Variants in RELN observed in about 807,000 individuals in gnomAD.
RELN encodes the protein reelin.
Under a neutral mutation model 427.6 loss-of-function variants are expected in RELN, and 108 were observed. The ratio of observed to expected loss-of-function variants is 0.25; its 90% CI spans 0.22 to 0.30. The LOEUF (loss-of-function observed/expected upper bound fraction) is 0.30, where lower values mean the gene tolerates loss of function less well. Ranked by LOEUF, RELN falls within the 10% of genes least tolerant of loss-of-function variation. The pLI, the probability that RELN is intolerant of heterozygous loss-of-function variation, is 1.00. For missense variants in RELN, 3,715 were observed against 4,302.8 expected (o/e 0.86, Z 3.82); for synonymous variants, 1,524 against 1,513.4 (o/e 1.01, Z -0.16).
At chr7:103,611,068 G>A (rs1831942630) in intron 21 of RELN, among the ~76,000 whole-genome samples, 1 of 152,144 alleles carries the variant, frequency 6.6e-6, no homozygotes, top group African/African-American at 2.4e-5. Flanking sequence ...CATACAAACA[G>A]AGACGGATTA....
chr7:103,499,761 G>A (rs1157548694), intron 53 of RELN, among the ~76,000 whole-genome samples: 1 of 152,130 alleles, frequency 6.6e-6, no homozygotes, highest in East Asian at 1.9e-4. Context: ...TTCATTAGAA[G>A]ATTTTAATCA....
intron 4 of RELN, among the ~76,000 whole-genome samples, chr7:103,767,873 T>A (rs927281468): frequency 2.0e-5 from 3 of 152,144 alleles, no homozygotes; most frequent in Non-Finnish European, 4.4e-5. Context: ...GCCACCCTAT[T>A]TAAAATTGCA....
At chr7:103,764,250 A>C (rs1791373316) in intron 4 of RELN, among the ~76,000 whole-genome samples, 1 of 152,158 alleles carries the variant, frequency 6.6e-6, no homozygotes, top group African/African-American at 2.4e-5. Context: ...TCACAACCTT[A>C]TGATGTTCCT....
chr7:103,545,836 A>G (rs778025764), intron 41 of RELN, among the ~76,000 whole-genome samples: 1 of 152,194 alleles, frequency 6.6e-6, no homozygotes, highest in East Asian at 1.9e-4. Flanking sequence ...GGGTTTCACC[A>G]TCTTGGCCAG....
intron 12 of RELN, among the ~76,000 whole-genome samples, chr7:103,657,515 G>GAACTATCA (rs1186820346): frequency 6.6e-6 from 1 of 152,052 alleles, no homozygotes; most frequent in Non-Finnish European, 1.5e-5. Flanking sequence ...CGCAGGCACT[G>GAACTATCA]AACTATCAGT....
intron 22 of RELN, among the ~76,000 whole-genome samples, chr7:103,607,344 GA>G (rs756481518): frequency 6.6e-6 from 1 of 152,076 alleles, no homozygotes; most frequent in African/African-American, 2.4e-5. Flanking sequence ...GTTTTATTGA[GA>G]AAAAAAATTA....
intron 2 of RELN, among the ~76,000 whole-genome samples, chr7:103,885,330 C>T (rs1309654632): frequency 7.4e-6 from 1 of 135,522 alleles, no homozygotes; most frequent in Non-Finnish European, 1.6e-5. Context: ...CAGAGCAAGA[C>T]TCCATCTCAA....
intron 14 of RELN, 77 bp from the exon 15 acceptor site, chr7:103,651,866 G>T (rs1584378033): frequency 6.9e-7 from 1 of 1,449,062 alleles, no homozygotes; most frequent in East Asian, 2.3e-5. Context: ...TTCAACTCTG[G>T]TTAAGTACAT....
At chr7:103,532,248 A>G (rs577215860) in intron 46 of RELN, among the ~76,000 whole-genome samples, 138 of 152,322 alleles carry the variant, frequency 9.1e-4, no homozygotes, top group Non-Finnish European at 1.5e-3. Flanking sequence ...CAATGAGAAC[A>G]CATGGACACA....
chr7:103,765,846 A>G (rs1410711921), intron 4 of RELN, among the ~76,000 whole-genome samples: 1 of 152,204 alleles, frequency 6.6e-6, no homozygotes, highest in Admixed American at 6.5e-5. Context: ...TCAAGTGGGA[A>G]TGTATATAGC....
rs28804733 is a variant in RELN at position 103,900,007 on chromosome 7, A to T, written c.337+17068T>A. On this transcript the variant is annotated intron_variant, in intron 2 of 64. Transcript: ENST00000428762. ...CAATTAGGAAAAGAGGAAGTCAAAT[A>T]GTCCCTGTTTGCAGTTGACATGATT... Among the ~76,000 whole-genome samples the T allele has an allele frequency of 6.0e-3, 914 of 152,134 alleles. 9 individuals carry two copies. The highest frequency in any genetic ancestry group is 0.021 in the African/African-American group (879 of 41,530).
At chr7:103,753,657 T>C (rs1165378367) in intron 4 of RELN, among the ~76,000 whole-genome samples, 1 of 152,214 alleles carries the variant, frequency 6.6e-6, no homozygotes, top group African/African-American at 2.4e-5. Flanking sequence ...GGAAAATTTA[T>C]GTTGAAATTG....
At chr7:103,979,764 A>G (rs960662531) in intron 1 of RELN, among the ~76,000 whole-genome samples, 5 of 152,202 alleles carry the variant, frequency 3.3e-5, no homozygotes, top group Admixed American at 2.6e-4. Context: ...GAACTTCAAT[A>G]AATATCTTTA....
chr7:103,907,764 GTTT>G (rs60768309), intron 2 of RELN, among the ~76,000 whole-genome samples: 2 of 150,218 alleles, frequency 1.3e-5, no homozygotes, highest in Non-Finnish European at 3.0e-5. Flanking sequence ...CAGAAAGCCT[GTTT>G]TTTTTTCTTT....
intron 8 of RELN, among the ~76,000 whole-genome samples, chr7:103,721,283 T>G (rs576268859): frequency 3.9e-5 from 6 of 151,956 alleles, no homozygotes; most frequent in Admixed American, 2.0e-4. Context: ...TCCCCAATTC[T>G]GTTACTCTTC....
chr7:103,701,799 T>C (rs988969689), intron 8 of RELN, among the ~76,000 whole-genome samples: 1 of 152,160 alleles, frequency 6.6e-6, no homozygotes, highest in Non-Finnish European at 1.5e-5. Context: ...CAGAAATTTT[T>C]ATACTATCTT....
rs1329482437 is a variant in RELN at position 103,755,524 on chromosome 7, C to T, written c.545-2310G>A. ...TCAGGAGGCTGAGGCAGGAGAATGG[C>T]GTGAACCCAGGAGGCGGAGCTTGCA... On this transcript the variant is annotated intron_variant, in intron 4 of 64. Transcript: ENST00000428762. Among the ~76,000 whole-genome samples, 5 of 151,436 alleles carry T rather than the reference C, an allele frequency of 3.3e-5. No homozygotes were observed. In the South Asian group the frequency reaches 6.3e-4, roughly 19 times the overall value.
chr7:103,496,502 A>G, intron 56 of RELN, 24 bp downstream of exon 56: 1 of 1,614,082 alleles, frequency 6.2e-7, no homozygotes, highest in Non-Finnish European at 8.5e-7. Context: ...AGGAAAGAAA[A>G]TTGTTCAATG....
chr7:103,508,449 G>A (rs2117054723), intron 51 of RELN, among the ~76,000 whole-genome samples: 1 of 152,302 alleles, frequency 6.6e-6, no homozygotes, highest in Non-Finnish European at 1.5e-5. Context: ...CCAATATTCA[G>A]TAGCCCTTCA....
Sources: allele counts gnomAD v4.1 joint callset (sites outside exome capture counted in the v4.1 genomes callset), GRCh38; gene constraint gnomAD v4.1.1; transcripts MANE v1.5; gene names NCBI Gene and HGNC (gene_info 2026-07-23, HGNC 2026-07-21).